The following RALGDS variants were observed in gnomAD, a reference collection of about 807,000 sequenced individuals.
The protein encoded by RALGDS is ral guanine nucleotide exchange factor.
A neutral mutation model predicts 99.8 loss-of-function variants in RALGDS; 44 were observed. That is an observed-to-expected ratio of 0.44 (90% CI 0.35 to 0.57). The LOEUF (loss-of-function observed/expected upper bound fraction) is 0.57, where lower values mean the gene tolerates loss of function less well. Ranked by LOEUF, RALGDS falls within the 20% of genes least tolerant of loss-of-function variation. The probability of loss-of-function intolerance (pLI) is 0.01; values close to 1 mark genes in which losing one functional copy is unlikely to be tolerated. For missense variants in RALGDS, 1,022 were observed against 1,203.1 expected, an observed-to-expected ratio of 0.85 and a Z score of 2.23; for synonymous variants, 529 against 505.0, an observed-to-expected ratio of 1.05 and a Z score of -0.64.
upstream of RALGDS, among the ~76,000 whole-genome samples, chr9:133,123,805 GACAC>G (rs199683006): frequency 1.8e-5 from 1 of 55,594 alleles, no homozygotes; most frequent in Admixed American, 2.4e-4. Flanking sequence ...CACACACAGA[GACAC>G]ACACAGAGAG....
intron 1 of RALGDS, among the ~76,000 whole-genome samples, chr9:133,139,384 G>A (rs1832481726): frequency 6.6e-6 from 1 of 152,240 alleles, no homozygotes; most frequent in South Asian, 2.1e-4. Context: ...AGAACGGCAA[G>A]CGGCTATTTC....
chr9:133,124,224 A>G (rs1011922678), upstream of RALGDS, among the ~76,000 whole-genome samples: 2 of 151,384 alleles, frequency 1.3e-5, no homozygotes, highest in Non-Finnish European at 3.0e-5. Context: ...AGACACAGGC[A>G]CACACACACA....
chr9:133,148,556 G>A (rs539458929), intron 1 of RALGDS, among the ~76,000 whole-genome samples: 1 of 152,344 alleles, frequency 6.6e-6, no homozygotes, highest in South Asian at 2.1e-4. Context: ...TGGTGTGTGT[G>A]TCTGCGTGTG....
chr9:133,105,860 A>AGCCCCAGCCCCCGCCCCAGCCCCC (rs779525813), intron 9 of RALGDS, 72 bp downstream of exon 9: 2 of 18,824 alleles, frequency 1.1e-4, no homozygotes, highest in Admixed American at 1.1e-3. Context: ...CCCCCGCCCC[A>AGCCCCAGCCCCCGCCCCAGCCCCC]GCCCCAGCCC....
chr9:133,104,376 C>T, intron 9 of RALGDS, 45 bp from the exon 10 acceptor site: 5 of 1,526,416 alleles, frequency 3.3e-6, no homozygotes, highest in Non-Finnish European at 4.5e-6. Context: ...ATCCCCTCAG[C>T]CCTCAGGCAC....
intron 1 of RALGDS, among the ~76,000 whole-genome samples, chr9:133,143,786 CAATAATAATAATAAT>C (rs144862270): frequency 8.0e-6 from 1 of 125,546 alleles, no homozygotes; most frequent in Admixed American, 7.9e-5. Flanking sequence ...ACAACAACAA[CAATAATAATAATAAT>C]AATAATAATA....
At chr9:133,123,275 T>A (rs1219584183), upstream of RALGDS, among the ~76,000 whole-genome samples, 1 of 152,144 alleles carries the variant, frequency 6.6e-6, no homozygotes, top group Non-Finnish European at 1.5e-5. Context: ...ACTGACTTTA[T>A]CTCCTCTGCT....
intron 3 of RALGDS, 37 bp downstream of exon 3, chr9:133,110,259 C>T (rs769858330): frequency 1.1e-5 from 17 of 1,590,778 alleles, no homozygotes; most frequent in Non-Finnish European, 1.4e-5. Context: ...GGGCGAGGGC[C>T]CCTGTGCACC....
In RALGDS at chr9:133,121,148, G is replaced by A; in HGVS notation, c.7C>T (p.Gln3Ter). The A allele has an allele frequency of 1.5e-6, 2 of 1,331,772 alleles. No homozygotes were observed. The highest frequency in any genetic ancestry group is 1.9e-6 in the Non-Finnish European group (2 of 1,038,754). The allele number at this position is 1,331,772 out of a possible 1,614,324, so 82.5% of individuals were successfully genotyped here. A position where few individuals can be genotyped will look rare whatever the true frequency, so the allele number is the denominator to read the frequency against. The change falls in exon 1 of 18, where the codon CAG (glutamine) becomes TAG (stop). Residue 3 changes from glutamine (Q) to a stop codon, truncating the protein, a stop_gained. Transcript: ENST00000372050. LOFTEE classifies it high-confidence loss of function. ...CCGGCCGCCTCGGCCCACATGCGCT[G>A]CACCATGGAAGGCTCGCAGCGCGGG... The part of the protein sequence containing the change: MV[Q>*]RMWAEAAGPA...
rs561005149 is a variant in RALGDS at position 133,109,569 on chromosome 9, C to T, written c.584+57G>A. On this transcript the variant is annotated intron_variant, in intron 4 of 17. Coordinates refer to ENST00000372050, the MANE Select transcript of RALGDS (RefSeq NM_006266.4). ...CCGGCTCCGGCCCCAGCCCCATGTA[C>T]TCTCCCACTGTTCGGTGGGGACAGG... 7 of 1,480,948 alleles carry T rather than the reference C, an allele frequency of 4.7e-6. No homozygotes were observed. The South Asian group carries it at 6.8e-5, about 14-fold the overall frequency. The allele number at this position is 1,480,948 out of a possible 1,614,324, so 91.7% of individuals were successfully genotyped here.
chr9:133,122,378 G>A (rs1831982188), upstream of RALGDS, among the ~76,000 whole-genome samples: 1 of 152,242 alleles, frequency 6.6e-6, no homozygotes, highest in Non-Finnish European at 1.5e-5. Context: ...CCCTGGCCAT[G>A]CCAACCTCCC....
chr9:133,112,000 TCCCCAGCTGCGTC>T (rs762247378), intron 2 of RALGDS, 29 bp downstream of exon 2: 40 of 1,441,570 alleles, frequency 2.8e-5, no homozygotes, highest in Middle Eastern at 3.5e-4. Context: ...CTGGGAGGGA[TCCCCAGCTGCGTC>T]TCCCAGTGGA....
At position 133,108,797 on chromosome 9, in the gene RALGDS, A is replaced by C. The variant is rs199653450; in HGVS notation, c.654T>G (p.Phe218Leu). 6.2e-7 allele frequency: 1 copy of C among 1,613,446 alleles called. No individual in the cohort carries two copies. Among genetic ancestry groups the C allele is most frequent in the South Asian group, 1.1e-5 (1 of 91,084 alleles). ...YSEDFCQPPD[F>L]PCLKQLVAYV... Reference sequence around the variant, plus strand: ...AGGCCACCAGCTGCTTGAGGCAGGGAAAGTCCGGAGGTTGACAGAAATCCT... The same window carrying C: ...AGGCCACCAGCTGCTTGAGGCAGGGCAAGTCCGGAGGTTGACAGAAATCCT... The change falls in exon 5 of 18, where the codon TTT becomes TTG. Residue 218 changes from phenylalanine (F) to leucine (L), a missense_variant. By Grantham distance (22) the Phe-to-Leu change is conservative. This residue lies in a region of RALGDS where 825 missense variants were observed against 994.5 expected (regional missense o/e 0.83). Coordinates refer to ENST00000372050, the MANE Select transcript of RALGDS (RefSeq NM_006266.4).
chr9:133,101,112 G>C, intron 16 of RALGDS: 3 of 1,127,330 alleles, frequency 2.7e-6, no homozygotes, highest in Non-Finnish European at 3.3e-6. Context: ...TCCCAGCCTG[G>C]TTGCCACAGC....
chr9:133,103,048 A>AG, intron 12 of RALGDS, 148 bp from the exon 13 acceptor site: 9 of 1,414,586 alleles, frequency 6.4e-6, no homozygotes, highest in Non-Finnish European at 8.8e-6. Flanking sequence ...GCCACTCCCC[A>AG]GGAGGTGGTC....
intron 1 of RALGDS, among the ~76,000 whole-genome samples, chr9:133,143,428 G>C (rs1564255939): frequency 6.6e-6 from 1 of 152,194 alleles, no homozygotes; most frequent in South Asian, 2.1e-4. Context: ...GAGGTGGTGG[G>C]AGGGCCTTGT....
chr9:133,123,961 G>GAC (rs1276737985), upstream of RALGDS, among the ~76,000 whole-genome samples: 1 of 123,570 alleles, frequency 8.1e-6, no homozygotes, highest in Non-Finnish European at 1.8e-5. Context: ...CACACACAGA[G>GAC]ACACACACAT....
intron 1 of RALGDS, chr9:133,129,044 AG>A: frequency 7.3e-7 from 1 of 1,376,442 alleles, no homozygotes; most frequent in Non-Finnish European, 9.6e-7. Flanking sequence ...CAGGGAAGAA[AG>A]GGAGTCCTGG....
At chr9:133,133,178 C>T (rs928675084), upstream of RALGDS, among the ~76,000 whole-genome samples, 13 of 152,366 alleles carry the variant, frequency 8.5e-5, no homozygotes, top group Admixed American at 3.9e-4. Context: ...CCACCTCCAG[C>T]ACAGGTCAGC....
Sources: allele counts gnomAD v4.1 joint callset (sites outside exome capture counted in the v4.1 genomes callset), GRCh38; gene constraint gnomAD v4.1.1; regional missense constraint gnomAD v4.1.1; transcripts MANE v1.5; gene names NCBI Gene and HGNC (gene_info 2026-07-23, HGNC 2026-07-21).